RBMS1: variants seen among roughly 807,000 people sequenced by gnomAD.
The protein encoded by RBMS1 is RNA-binding motif, single-stranded-interacting protein 1.
In RBMS1, 17 loss-of-function variants were observed where a neutral mutation model predicts 62.3. The observed-to-expected ratio is 0.27, with a 90% CI of 0.19 to 0.41. The LOEUF (loss-of-function observed/expected upper bound fraction) is 0.41, where lower values mean the gene tolerates loss of function less well. RBMS1 is among the 10% of genes least tolerant of loss of function. The pLI, the probability that RBMS1 is intolerant of heterozygous loss-of-function variation, is 1.00. For synonymous variants in RBMS1, 172 were observed against 170.0 expected (o/e 1.01, Z -0.09); for missense variants, 334 against 504.5 (o/e 0.66, Z 3.24).
At chr2:160,324,102 A>G (rs1229104563) in intron 2 of RBMS1, among the ~76,000 whole-genome samples, 2 of 152,256 alleles carry the variant, frequency 1.3e-5, no homozygotes, top group Admixed American at 6.5e-5. Context: ...AAGAAACACA[A>G]GCTTATTGTA....
At chr2:160,456,956 C>CA (rs11428149) in intron 1 of RBMS1, among the ~76,000 whole-genome samples, 76,745 of 151,758 alleles carry the variant, frequency 0.51, 20,538 homozygotes, top group Admixed American at 0.63. Context: ...CAAACAACAA[C>CA]AAAAAACCTG....
rs541982976 is a variant in RBMS1 at position 160,430,592 on chromosome 2, G to A, written c.75+62697C>T. Among the ~76,000 whole-genome samples the A allele has an allele frequency of 7.2e-5, 11 of 152,158 alleles. No homozygotes were observed. The East Asian group carries it at 7.7e-4, about 11-fold the overall frequency. On this transcript the variant is annotated intron_variant, in intron 1 of 13. Coordinates refer to ENST00000348849, the MANE Select transcript of RBMS1 (RefSeq NM_016836.4). ...TATTGGTTAACAACTACTTTCTCCC[G>A]TGCTTCTTTTCCATAAGAACTAGTT...
intron 1 of RBMS1, among the ~76,000 whole-genome samples, chr2:160,472,074 A>G (rs1046795200): frequency 4.6e-5 from 7 of 152,228 alleles, no homozygotes; most frequent in Admixed American, 4.6e-4. Flanking sequence ...CAAATTTCAG[A>G]CAACAGACTA....
At chr2:160,484,002 CT>C (rs5835810) in intron 1 of RBMS1, among the ~76,000 whole-genome samples, 119,226 of 131,728 alleles carry the variant, frequency 0.91, 54,370 homozygotes, top group East Asian at 0.99. Flanking sequence ...GGATAAAATT[CT>C]TTTTTTTTTT....
At chr2:160,320,494 A>C (rs1015807640) in intron 2 of RBMS1, among the ~76,000 whole-genome samples, 2 of 152,162 alleles carry the variant, frequency 1.3e-5, no homozygotes, top group African/African-American at 4.8e-5. Context: ...AAAACTCCCA[A>C]TGTTGGAGAT....
At chr2:160,386,664 C>G (rs1694594558) in intron 1 of RBMS1, among the ~76,000 whole-genome samples, 1 of 152,122 alleles carries the variant, frequency 6.6e-6, no homozygotes, top group Non-Finnish European at 1.5e-5. Context: ...CTCTCTGCCA[C>G]ATGAAAATAC....
At chr2:160,466,837 C>A (rs910217362) in intron 1 of RBMS1, among the ~76,000 whole-genome samples, 1 of 152,150 alleles carries the variant, frequency 6.6e-6, no homozygotes, top group African/African-American at 2.4e-5. Context: ...GGTTTCAAAT[C>A]CTGGCTCAAC....
chr2:160,374,485 G>A (rs1221138413), intron 1 of RBMS1, among the ~76,000 whole-genome samples: 1 of 152,110 alleles, frequency 6.6e-6, no homozygotes, highest in African/African-American at 2.4e-5. Flanking sequence ...AAAAAGCAAG[G>A]TGGAATGTGG....
intron 4 of RBMS1, among the ~76,000 whole-genome samples, chr2:160,312,489 G>A (rs1489489133): frequency 1.3e-5 from 2 of 152,026 alleles, no homozygotes; most frequent in Non-Finnish European, 2.9e-5. Context: ...ATTCAAGCAA[G>A]TTACTCACTT....
chr2:160,368,146 A>G (rs548304476), intron 1 of RBMS1, among the ~76,000 whole-genome samples: 2 of 152,282 alleles, frequency 1.3e-5, no homozygotes, highest in South Asian at 2.1e-4. Context: ...CTGTGCACCG[A>G]CTGAAAGAAA....
At chr2:160,464,010 T>C (rs528942356) in intron 1 of RBMS1, among the ~76,000 whole-genome samples, 2 of 152,300 alleles carry the variant, frequency 1.3e-5, no homozygotes, top group African/African-American at 2.4e-5. Flanking sequence ...AAAACACTAT[T>C]TTACTAACTA....
chr2:160,301,838 C>CATA lies in RBMS1; in HGVS notation c.561-1111_561-1109dup, dbSNP rs543956802. 1.8e-4 allele frequency among the ~76,000 whole-genome samples: 28 copies of CATA among 152,254 alleles called. No individual in the cohort carries two copies. The South Asian group carries it at 5.6e-3, about 30-fold the overall frequency. On this transcript the variant is annotated intron_variant, in intron 5 of 13. Coordinates refer to ENST00000348849, the MANE Select transcript of RBMS1 (RefSeq NM_016836.4). ...CTCAATTTTCTTCTATATAAAACAA[C>CATA]ATAATAATAATGCTTTGTTGATATA... is the stretch of plus-strand genomic sequence containing the variant.
chr2:160,488,672 G>T (rs974737863), intron 1 of RBMS1, among the ~76,000 whole-genome samples: 2 of 152,108 alleles, frequency 1.3e-5, no homozygotes, highest in Non-Finnish European at 2.9e-5. Context: ...TATTTGGTTT[G>T]GTTTTATACC....
chr2:160,418,214 T>C (rs990202384), intron 1 of RBMS1, among the ~76,000 whole-genome samples: 1 of 152,318 alleles, frequency 6.6e-6, no homozygotes. Flanking sequence ...TGTTACTTCT[T>C]TGGCAAGTTT....
At chr2:160,317,132 A>C (rs1690269745) in intron 3 of RBMS1, among the ~76,000 whole-genome samples, 1 of 152,228 alleles carries the variant, frequency 6.6e-6, no homozygotes, top group Admixed American at 6.5e-5. Flanking sequence ...GCTATTTGCT[A>C]CAATAGCTCC....
chr2:160,460,882 A>G (rs1170849732), intron 1 of RBMS1, among the ~76,000 whole-genome samples: 1 of 152,210 alleles, frequency 6.6e-6, no homozygotes, highest in Non-Finnish European at 1.5e-5. Flanking sequence ...GACATACAGC[A>G]TCCTCTTGTC....
intron 1 of RBMS1, among the ~76,000 whole-genome samples, chr2:160,425,649 C>T (rs767430624): frequency 1.6e-4 from 25 of 152,170 alleles, no homozygotes; most frequent in South Asian, 1.5e-3. Context: ...GCAAAGCAGC[C>T]GGACTCTAAC....
At chr2:160,423,673 C>G (rs553655768) in intron 1 of RBMS1, among the ~76,000 whole-genome samples, 33 of 152,276 alleles carry the variant, frequency 2.2e-4, no homozygotes, top group African/African-American at 7.9e-4. Flanking sequence ...TGATCTCACC[C>G]ACAACTAACA....
At chr2:160,489,357 A>G (rs1685728386) in intron 1 of RBMS1, among the ~76,000 whole-genome samples, 1 of 152,212 alleles carries the variant, frequency 6.6e-6, no homozygotes, top group Non-Finnish European at 1.5e-5. Context: ...TATTTACATC[A>G]TAAATGTGGT....
Sources: gnomAD v4.1 joint callset for allele counts (sites outside exome capture counted in the v4.1 genomes callset) on GRCh38, gnomAD v4.1.1 for gene constraint, MANE v1.5 for transcripts, NCBI Gene and HGNC (gene_info 2026-07-23, HGNC 2026-07-21) for gene names.